The following XPO6 variants were observed in gnomAD, a reference collection of about 807,000 sequenced individuals.
XPO6 encodes the protein exportin 6.
XPO6 carries 3 observed loss-of-function variants against 130.0 expected under a neutral mutation model. The ratio of observed to expected loss-of-function variants is 0.02; its 90% CI spans 0.01 to 0.06. The LOEUF (loss-of-function observed/expected upper bound fraction) is 0.06, where lower values mean the gene tolerates loss of function less well. Among genes scored for constraint, XPO6 ranks in the 10% least tolerant of loss-of-function variants. The pLI is 1.00. For missense variants in XPO6, 970 were observed against 1,393.0 expected (o/e 0.70, Z 4.83); for synonymous variants, 524 against 548.9 (o/e 0.95, Z 0.63).
rs2042751615 is a variant in XPO6, at chr16:28,135,203, G to A, written c.1443+13C>T. ...TGACAGCGACAAAAAATCAATCAGG[G>A]CATGCCGCTTACATCGTCATCCAGA... is the stretch of plus-strand genomic sequence containing the variant. On this transcript the variant is annotated intron_variant, in intron 10 of 23. Transcript: ENST00000304658. The A allele has an allele frequency of 6.2e-7, 1 of 1,607,912 alleles. No homozygotes were observed. Among genetic ancestry groups the A allele is most frequent in the Non-Finnish European group, 8.5e-7 (1 of 1,174,898 alleles).
chr16:28,117,108 G>T, intron 15 of XPO6: 1 of 562,690 alleles, frequency 1.8e-6, no homozygotes, highest in Non-Finnish European at 3.0e-6. Flanking sequence ...ATGTATTCAT[G>T]TGGAACTCAG....
intron 9 of XPO6, among the ~76,000 whole-genome samples, chr16:28,137,369 T>C (rs185643805): frequency 2.7e-4 from 41 of 152,386 alleles, no homozygotes; most frequent in Admixed American, 4.6e-4. Context: ...GTGTTTCCTC[T>C]GAAACCTATT....
At chr16:28,142,158 T>G (rs1370365026) in intron 9 of XPO6, among the ~76,000 whole-genome samples, 1 of 152,242 alleles carries the variant, frequency 6.6e-6, no homozygotes, top group Admixed American at 6.5e-5. Flanking sequence ...TTTTGACTAC[T>G]TCCTGCAAGA....
rs988321203 is a variant in XPO6 at position 28,174,061 on chromosome 16, C to T, written c.405+1837G>A. Among the ~76,000 whole-genome samples, 13 of 152,090 alleles carry T rather than the reference C, an allele frequency of 8.5e-5. 1 individual carries two copies. The highest frequency in any genetic ancestry group is 2.6e-4 in the Admixed American group (4 of 15,268). On this transcript the variant is annotated intron_variant, in intron 4 of 23. Coordinates refer to ENST00000304658, the MANE Select transcript of XPO6 (RefSeq NM_015171.4). Reference sequence around the variant, plus strand: ...TCCTGTCTCCAGTGGGCTTCCCTGACGCCCACTTAAGAGAGCCTTGGAGAG... The same window carrying T: ...TCCTGTCTCCAGTGGGCTTCCCTGATGCCCACTTAAGAGAGCCTTGGAGAG...
chr16:28,104,674 C>G lies in XPO6; in HGVS notation c.2818G>C (p.Glu940Gln), dbSNP rs773716946. The G allele has an allele frequency of 1.9e-6, 3 of 1,614,024 alleles. No homozygotes were observed. In the African/African-American group the frequency reaches 4.0e-5, roughly 22 times the overall value. ...TGATGGAGCGTCCGGAAAAGGAGCT[C>G]AAACAGCTCGGCCTTCACATCAGGG... is the stretch of plus-strand genomic sequence containing the variant. ...PSPDVKAELF[E>Q]LLFRTLHHNW... is the part of the protein sequence containing the mutation. Residue 940 changes from glutamate to glutamine, a missense_variant, in exon 21 of 24, where the codon GAG becomes CAG. Physicochemically the swap from Glu to Gln is conservative, Grantham distance 29. Transcript: ENST00000304658.
At chr16:28,112,158 A>C (rs913400155) in intron 16 of XPO6, 152 bp from the exon 17 acceptor site, 9 of 780,496 alleles carry the variant, frequency 1.2e-5, no homozygotes, top group Non-Finnish European at 1.8e-5. Context: ...CTTTGGTCCA[A>C]CTGGAAGGCA....
chr16:28,130,245 C>T (rs1416590129), intron 12 of XPO6, among the ~76,000 whole-genome samples: 1 of 152,244 alleles, frequency 6.6e-6, no homozygotes, highest in African/African-American at 2.4e-5. Flanking sequence ...TTGTCATACA[C>T]GGTCACAGCA....
chr16:28,161,818 G>C (rs1483991317), intron 6 of XPO6, among the ~76,000 whole-genome samples: 1 of 152,128 alleles, frequency 6.6e-6, no homozygotes, highest in Non-Finnish European at 1.5e-5. Context: ...AACCAAACCA[G>C]GGTCTGGCCT....
At chr16:28,133,996 A>G (rs1381877781) in intron 10 of XPO6, 63 bp from the exon 11 acceptor site, 1 of 1,515,854 alleles carries the variant, frequency 6.6e-7, no homozygotes, top group East Asian at 2.3e-5. Flanking sequence ...TGCCAACCTC[A>G]AGACCACTCT....
At chr16:28,187,018 T>C (rs992556349) in intron 1 of XPO6, among the ~76,000 whole-genome samples, 2 of 152,214 alleles carry the variant, frequency 1.3e-5, no homozygotes, top group African/African-American at 4.8e-5. Context: ...AGTTACATCC[T>C]GTAGTCCTGG....
chr16:28,186,870 G>A (rs1341597554), intron 1 of XPO6, among the ~76,000 whole-genome samples: 1 of 152,048 alleles, frequency 6.6e-6, no homozygotes, highest in Non-Finnish European at 1.5e-5. Flanking sequence ...ATTCTGGAGT[G>A]ACTAAGCAAC....
chr16:28,134,452 G>A (rs755726314), intron 10 of XPO6, among the ~76,000 whole-genome samples: 1 of 152,164 alleles, frequency 6.6e-6, no homozygotes, highest in African/African-American at 2.4e-5. Context: ...AGCAAGACAC[G>A]TCACTCCCCT....
chr16:28,167,685 T>C (rs1249868421), intron 5 of XPO6, among the ~76,000 whole-genome samples: 1 of 152,256 alleles, frequency 6.6e-6, no homozygotes, highest in African/African-American at 2.4e-5. Flanking sequence ...AACTGTGTTT[T>C]CTTCCTCTTT....
intron 17 of XPO6, among the ~76,000 whole-genome samples, chr16:28,108,155 T>C (rs1361592062): frequency 6.6e-6 from 1 of 152,160 alleles, no homozygotes; most frequent in Non-Finnish European, 1.5e-5. Context: ...AGCCCAGTAA[T>C]CCCACAAACA....
intron 1 of XPO6, among the ~76,000 whole-genome samples, chr16:28,207,707 A>C (rs998140632): frequency 2.0e-5 from 3 of 152,168 alleles, no homozygotes; most frequent in Admixed American, 2.0e-4. Flanking sequence ...CAGGCTCCGG[A>C]GTACAGCACT....
At chr16:28,199,956 G>A (rs2043930091) in intron 1 of XPO6, among the ~76,000 whole-genome samples, 1 of 152,028 alleles carries the variant, frequency 6.6e-6, no homozygotes, top group Non-Finnish European at 1.5e-5. Context: ...AGGAGTTCAA[G>A]ACCAGCCTGC....
intron 2 of XPO6, among the ~76,000 whole-genome samples, chr16:28,177,942 C>G (rs904187222): frequency 6.6e-6 from 1 of 152,154 alleles, no homozygotes; most frequent in African/African-American, 2.4e-5. Context: ...ACGAGTGTTG[C>G]GGCGAGTAGC....
At chr16:28,181,070 C>T in intron 1 of XPO6, 39 bp from the exon 2 acceptor site, 3 of 1,492,980 alleles carry the variant, frequency 2.0e-6, no homozygotes, top group Non-Finnish European at 9.3e-7. Flanking sequence ...TAAGCTGCAT[C>T]TTCAGTTCCA....
chr16:28,109,155 A>C (rs1474806071), intron 17 of XPO6, among the ~76,000 whole-genome samples: 1 of 151,828 alleles, frequency 6.6e-6, no homozygotes, highest in Admixed American at 6.6e-5. Context: ...AAGGAAATTC[A>C]AACGAGGACA....
Sources: gnomAD v4.1 joint callset for allele counts (sites outside exome capture counted in the v4.1 genomes callset) on GRCh38, gnomAD v4.1.1 for gene constraint, MANE v1.5 for transcripts, NCBI Gene and HGNC (gene_info 2026-07-23, HGNC 2026-07-21) for gene names.